MTHFD1L: variants seen among roughly 807,000 people sequenced by gnomAD.
MTHFD1L encodes methylenetetrahydrofolate dehydrogenase (NADP+ dependent) 1 like.
A neutral mutation model predicts 119.5 loss-of-function variants in MTHFD1L; 81 were observed. That is an observed-to-expected ratio of 0.68 (90% CI 0.57 to 0.82). MTHFD1L has a LOEUF of 0.82. Ranked by LOEUF, MTHFD1L falls within the 40% of genes least tolerant of loss-of-function variation. MTHFD1L has a pLI of 0.00. For synonymous variants in MTHFD1L, 430 were observed against 475.2 expected, an observed-to-expected ratio of 0.90 and a Z score of 1.24; for missense variants, 1,125 against 1,253.4, an observed-to-expected ratio of 0.90 and a Z score of 1.55.
intron 11 of MTHFD1L, 109 bp from the exon 12 acceptor site, chr6:150,936,695 A>C (rs1179292780): frequency 7.9e-7 from 1 of 1,271,482 alleles, no homozygotes; most frequent in African/African-American, 1.5e-5. Flanking sequence ...TAAATTATGG[A>C]GTGCATTTTG....
At chr6:150,994,064 TAAAAAAA>T (rs746589557) in intron 20 of MTHFD1L, among the ~76,000 whole-genome samples, 3 of 74,276 alleles carry the variant, frequency 4.0e-5, no homozygotes, top group African/African-American at 2.3e-4. Flanking sequence ...ACAACAACAG[TAAAAAAA>T]AAAAAAAAAG....
At chr6:151,032,439 C>T (rs975285906) in intron 24 of MTHFD1L, among the ~76,000 whole-genome samples, 2 of 152,142 alleles carry the variant, frequency 1.3e-5, no homozygotes, top group African/African-American at 4.8e-5. Context: ...CACTCATTAT[C>T]GTGAGGACAG....
rs138286494 is a variant in MTHFD1L at position 150,975,955 on chromosome 6, G to A, written c.2125+3897G>A. Among the ~76,000 whole-genome samples the A allele has an allele frequency of 1.8e-4, 28 of 152,168 alleles. No individual in the cohort carries two copies. In the East Asian group the frequency reaches 2.5e-3, roughly 14 times the overall value. ...CTCACTTGTGGCTTAAGGGGGAAGC[G>A]GGGACGCCAAGGCGGGTGGATCACC... On this transcript the variant is annotated intron_variant, in intron 20 of 27. Transcript: ENST00000367321.
chr6:150,953,163 G>A (rs1795091971), intron 16 of MTHFD1L, among the ~76,000 whole-genome samples: 2 of 152,242 alleles, frequency 1.3e-5, no homozygotes, highest in South Asian at 4.2e-4. Flanking sequence ...AATCAGTACC[G>A]TGTCTTCCAC....
At chr6:151,082,148 G>T (rs1793252971) in intron 26 of MTHFD1L, among the ~76,000 whole-genome samples, 1 of 152,158 alleles carries the variant, frequency 6.6e-6, no homozygotes, top group Non-Finnish European at 1.5e-5. Flanking sequence ...GATTTTCATG[G>T]TGTGCTACCT....
chr6:150,937,889 T>C (rs749020709), intron 12 of MTHFD1L, among the ~76,000 whole-genome samples: 27 of 152,214 alleles, frequency 1.8e-4, no homozygotes, highest in Non-Finnish European at 3.8e-4. Context: ...GAAAGAGCAG[T>C]CCTTTTACTC....
At chr6:150,885,840 A>T (rs1782155447) in intron 6 of MTHFD1L, 106 bp downstream of exon 6, 1 of 769,860 alleles carries the variant, frequency 1.3e-6, no homozygotes. Flanking sequence ...TTAAATTATT[A>T]TTCTGATATC....
At chr6:151,037,991 C>A (rs772764055) in intron 26 of MTHFD1L, among the ~76,000 whole-genome samples, 1 of 152,142 alleles carries the variant, frequency 6.6e-6, no homozygotes, top group Non-Finnish European at 1.5e-5. Context: ...TTATAATAAA[C>A]CATGTTGCTT....
At chr6:150,944,726 A>G (rs771992416) in intron 14 of MTHFD1L, 133 bp downstream of exon 14, 41 of 675,726 alleles carry the variant, frequency 6.1e-5, no homozygotes, top group Non-Finnish European at 9.5e-5. Flanking sequence ...TGATTTTTAC[A>G]TATGTCCCTG....
At chr6:150,946,924 A>C (rs1032603342) in intron 15 of MTHFD1L, among the ~76,000 whole-genome samples, 4 of 151,028 alleles carry the variant, frequency 2.6e-5, no homozygotes, top group African/African-American at 9.7e-5. Context: ...AAATACAAAA[A>C]ATTAGCCGGG....
chr6:151,085,247 A>G (rs187902777), intron 26 of MTHFD1L, among the ~76,000 whole-genome samples: 1 of 152,164 alleles, frequency 6.6e-6, no homozygotes, highest in Non-Finnish European at 1.5e-5. Context: ...CAGGCTTTCT[A>G]CCATTAAAAA....
chr6:150,962,811 A>G (rs1204503050), intron 18 of MTHFD1L, among the ~76,000 whole-genome samples: 1 of 152,166 alleles, frequency 6.6e-6, no homozygotes, highest in African/African-American at 2.4e-5. Flanking sequence ...TGTACAGAGA[A>G]GTAGGAAAAC....
chr6:150,973,095 G>A (rs1309048887), intron 20 of MTHFD1L, among the ~76,000 whole-genome samples: 5 of 152,202 alleles, frequency 3.3e-5, no homozygotes, highest in Admixed American at 2.0e-4. Context: ...ATGCTAACAG[G>A]TAATTCCCAT....
chr6:151,049,491 C>CA (rs61344944), intron 26 of MTHFD1L, among the ~76,000 whole-genome samples: 114 of 85,942 alleles, frequency 1.3e-3, no homozygotes, highest in African/African-American at 3.7e-3. Context: ...GACTCCGTCT[C>CA]AAAAAAAAAA....
At chr6:151,015,430 C>G in intron 23 of MTHFD1L, 86 bp from the exon 24 acceptor site, 1 of 1,435,062 alleles carries the variant, frequency 7.0e-7, no homozygotes, top group Non-Finnish European at 9.4e-7. Context: ...TGTTAGGGAG[C>G]GAAGTTCTGT....
At chr6:151,046,469 G>GTA (rs1437936861) in intron 26 of MTHFD1L, among the ~76,000 whole-genome samples, 40 of 116,842 alleles carry the variant, frequency 3.4e-4, no homozygotes, top group African/African-American at 9.8e-4. Context: ...ATATGTGTGT[G>GTA]TGTATATATA....
rs761203151 is a variant in MTHFD1L, at chr6:151,015,687, T to C, written c.2580T>C (p.Asp860=). ...SKRSRFQFLY[D]VQVPIVDKIR... ...GAAGCCGATTCCAGTTCCTGTATGA[T>C]GTTCAGGTAAGATCTAGTAAAAACA... The change falls in exon 24 of 28, where the codon GAT becomes GAC. Residue 860 remains aspartate (D), a synonymous_variant. Transcript: ENST00000367321. 8.1e-5 allele frequency: 131 copies of C among 1,613,502 alleles called. No homozygotes were observed. The highest frequency in any genetic ancestry group is 1.1e-4 in the Non-Finnish European group (128 of 1,179,848).
chr6:151,062,175 G>A (rs67603616), intron 26 of MTHFD1L, among the ~76,000 whole-genome samples: 27,201 of 152,150 alleles, frequency 0.18, 3,286 homozygotes, highest in Middle Eastern at 0.33. Flanking sequence ...GGTGGCTCAC[G>A]CCTGTAATCC....
intron 17 of MTHFD1L, among the ~76,000 whole-genome samples, chr6:150,956,639 T>C (rs1795688181): frequency 6.6e-6 from 1 of 152,188 alleles, no homozygotes; most frequent in African/African-American, 2.4e-5. Flanking sequence ...ATTCCTATGA[T>C]TTTTCATCCA....
Sources: gnomAD v4.1 joint callset for allele counts (sites outside exome capture counted in the v4.1 genomes callset) on GRCh38, gnomAD v4.1.1 for gene constraint, MANE v1.5 for transcripts, NCBI Gene and HGNC (gene_info 2026-07-23, HGNC 2026-07-21) for gene names.